Variants in FAM135B observed in about 807,000 individuals in gnomAD.
FAM135B encodes protein FAM135B.
Under a neutral mutation model 127.7 loss-of-function variants are expected in FAM135B, and 43 were observed. That is an observed-to-expected ratio of 0.34 (90% CI 0.26 to 0.43). The LOEUF (loss-of-function observed/expected upper bound fraction) is 0.43, where lower values mean the gene tolerates loss of function less well. FAM135B is among the 20% of genes least tolerant of loss of function. The pLI is 1.00. For missense variants in FAM135B, 1,558 were observed against 1,725.6 expected, an observed-to-expected ratio of 0.90 and a Z score of 1.72; for synonymous variants, 670 against 665.1, an observed-to-expected ratio of 1.01 and a Z score of -0.11.
rs535541237 is a variant in FAM135B, at chr8:138,284,337, T to C, written c.158-18495A>G. Among the ~76,000 whole-genome samples, 105 of 152,270 alleles carry C rather than the reference T, an allele frequency of 6.9e-4. 1 individual carries two copies. The South Asian group carries it at 0.021, about 30-fold the overall frequency. Reference sequence around the variant, plus strand: ...CCTGGACCACTCTGCCCAGTGGCCTTCCTTCTGCTCAGCCCGACTCCTGTG... The same window carrying C: ...CCTGGACCACTCTGCCCAGTGGCCTCCCTTCTGCTCAGCCCGACTCCTGTG... On this transcript the variant is annotated intron_variant, in intron 3 of 19. Coordinates refer to ENST00000395297, the MANE Select transcript of FAM135B (RefSeq NM_015912.4).
intron 11 of FAM135B, among the ~76,000 whole-genome samples, chr8:138,171,197 G>T (rs747047535): frequency 6.6e-6 from 1 of 152,130 alleles, no homozygotes; most frequent in Non-Finnish European, 1.5e-5. Flanking sequence ...CTCTCTCCAT[G>T]TATATCCTAT....
chr8:138,342,358 T>C (rs1049750860), intron 2 of FAM135B, among the ~76,000 whole-genome samples: 3 of 152,092 alleles, frequency 2.0e-5, no homozygotes, highest in Non-Finnish European at 4.4e-5. Flanking sequence ...AACCTCCTCA[T>C]CTCCCCAGCA....
chr8:138,415,915 C>T (rs528934192), intron 1 of FAM135B, among the ~76,000 whole-genome samples: 1 of 152,158 alleles, frequency 6.6e-6, no homozygotes, highest in Non-Finnish European at 1.5e-5. Flanking sequence ...AACTAAAATT[C>T]TACTTCTTTG....
intron 1 of FAM135B, chr8:138,439,713 T>G (rs1401989602): frequency 6.6e-6 from 1 of 152,190 alleles, no homozygotes; most frequent in Non-Finnish European, 1.5e-5. Flanking sequence ...TCTAATTTAA[T>G]CCTAACCCCT....
intron 7 of FAM135B, among the ~76,000 whole-genome samples, chr8:138,222,433 G>C (rs892829096): frequency 3.9e-5 from 6 of 152,106 alleles, no homozygotes; most frequent in African/African-American, 1.4e-4. Context: ...TGTCCATAAA[G>C]CCAGGATATC....
At chr8:138,406,440 G>T (rs1311380840) in intron 1 of FAM135B, among the ~76,000 whole-genome samples, 2 of 151,194 alleles carry the variant, frequency 1.3e-5, no homozygotes, top group African/African-American at 4.9e-5. Flanking sequence ...ACCAAAGCCG[G>T]GCAGAGACAC....
At chr8:138,444,697 C>T (rs976277554) in intron 1 of FAM135B, among the ~76,000 whole-genome samples, 8 of 152,000 alleles carry the variant, frequency 5.3e-5, no homozygotes, top group African/African-American at 1.9e-4. Flanking sequence ...CAAGAGAAAG[C>T]AGGAAAGATC....
intron 2 of FAM135B, among the ~76,000 whole-genome samples, chr8:138,338,962 G>A (rs1828827588): frequency 6.6e-6 from 1 of 151,920 alleles, no homozygotes; most frequent in African/African-American, 2.4e-5. Context: ...CCTTTGTAGG[G>A]ACATGGATGA....
chr8:138,268,328 A>C (rs1823103395), intron 3 of FAM135B, among the ~76,000 whole-genome samples: 1 of 152,132 alleles, frequency 6.6e-6, no homozygotes, highest in East Asian at 1.9e-4. Context: ...TTTTTATGGG[A>C]GATTAAGCGC....
intron 1 of FAM135B, among the ~76,000 whole-genome samples, chr8:138,406,657 A>G (rs1563975656): frequency 6.6e-6 from 1 of 152,046 alleles, no homozygotes; most frequent in African/African-American, 2.4e-5. Context: ...GAAGACAAAA[A>G]CCACATGATT....
At chr8:138,427,712 T>C (rs1246268341) in intron 1 of FAM135B, among the ~76,000 whole-genome samples, 1 of 152,152 alleles carries the variant, frequency 6.6e-6, no homozygotes, top group South Asian at 2.1e-4. Context: ...TTACATAACA[T>C]AGCTATGTCA....
At chr8:138,403,360 T>G (rs1833260944) in intron 1 of FAM135B, among the ~76,000 whole-genome samples, 1 of 151,942 alleles carries the variant, frequency 6.6e-6, no homozygotes, top group African/African-American at 2.4e-5. Flanking sequence ...TCACCAACCT[T>G]GGAGAACAAC....
intron 1 of FAM135B, among the ~76,000 whole-genome samples, chr8:138,493,161 G>A (rs1010783614): frequency 6.6e-6 from 1 of 152,192 alleles, no homozygotes; most frequent in Non-Finnish European, 1.5e-5. Context: ...ATTCATGTTT[G>A]AGCAGAAACA....
At chr8:138,265,595 T>C (rs1226388722) in intron 4 of FAM135B, 108 bp downstream of exon 4, 1 of 1,284,468 alleles carries the variant, frequency 7.8e-7, no homozygotes, top group South Asian at 1.4e-5. Context: ...CTCTGTCAGA[T>C]TTCAAAGTAA....
chr8:138,185,419 T>G, intron 9 of FAM135B, among the ~76,000 whole-genome samples: 1 of 152,158 alleles, frequency 6.6e-6, no homozygotes, highest in East Asian at 1.9e-4. Flanking sequence ...GGGATCTGAG[T>G]GTCCTCTAGA....
chr8:138,328,434 C>G (rs1320531262), intron 2 of FAM135B, among the ~76,000 whole-genome samples: 1 of 152,090 alleles, frequency 6.6e-6, no homozygotes, highest in African/African-American at 2.4e-5. Flanking sequence ...TAAATAACTC[C>G]CACATGCTTA....
intron 7 of FAM135B, among the ~76,000 whole-genome samples, chr8:138,227,272 G>A (rs1261665050): frequency 6.6e-6 from 1 of 152,088 alleles, no homozygotes; most frequent in Non-Finnish European, 1.5e-5. Flanking sequence ...GTGTTTTCTG[G>A]GAAATAATAA....
intron 9 of FAM135B, among the ~76,000 whole-genome samples, chr8:138,188,867 C>G (rs1815836631): frequency 6.6e-6 from 1 of 152,188 alleles, no homozygotes; most frequent in Admixed American, 6.5e-5. Context: ...CCTGGGTAGA[C>G]TTAGTGACAC....
intron 1 of FAM135B, among the ~76,000 whole-genome samples, chr8:138,406,160 T>C (rs1587369158): frequency 6.6e-6 from 1 of 151,346 alleles, no homozygotes; most frequent in Non-Finnish European, 1.5e-5. Context: ...TCCCATTTTG[T>C]AGGTTGCCTG....
Sources: allele counts gnomAD v4.1 joint callset (sites outside exome capture counted in the v4.1 genomes callset), GRCh38; gene constraint gnomAD v4.1.1; transcripts MANE v1.5; gene names NCBI Gene and HGNC (gene_info 2026-07-23, HGNC 2026-07-21).